Variants in RADIL observed in about 807,000 individuals in gnomAD.
RADIL encodes the protein ras-associating and dilute domain-containing protein.
In RADIL, 99 loss-of-function variants were observed where a neutral mutation model predicts 97.6. The ratio of observed to expected loss-of-function variants is 1.01; its 90% CI spans 0.86 to 1.20. The LOEUF (loss-of-function observed/expected upper bound fraction) is 1.20, where lower values mean the gene tolerates loss of function less well. RADIL is among the 50% of genes most tolerant of loss of function. The pLI, the probability that RADIL is intolerant of heterozygous loss-of-function variation, is 0.00. For missense variants in RADIL, 1,765 were observed against 1,498.9 expected (o/e 1.18, Z -2.93); for synonymous variants, 803 against 691.8 (o/e 1.16, Z -2.52).
chr7:4,856,150 C>A (rs1230439709), intron 2 of RADIL, among the ~76,000 whole-genome samples: 1 of 150,082 alleles, frequency 6.7e-6, no homozygotes, highest in Non-Finnish European at 1.5e-5. Context: ...CAGGCTGGAG[C>A]GCAGTGGCTT....
Position 4,814,254 on chromosome 7 carries a change from A to T in RADIL, c.2139+1024T>A, listed in dbSNP as rs1373908008. On this transcript the variant is annotated intron_variant, in intron 9 of 14. Coordinates refer to ENST00000399583, the MANE Select transcript of RADIL (RefSeq NM_018059.5). The surrounding 1 kb of genome is among the most constrained non-coding windows in gnomAD (Gnocchi z 4.5). Reference sequence around the variant, plus strand: ...AGAAGCAAACTAAATTCATGTGTTCAATCTGCCACACGTAGGATCCAGACA... The same window carrying T: ...AGAAGCAAACTAAATTCATGTGTTCTATCTGCCACACGTAGGATCCAGACA... 6.6e-6 allele frequency among the ~76,000 whole-genome samples: 1 copy of T among 152,214 alleles called. No homozygotes were observed. The highest frequency in any genetic ancestry group is 2.4e-5 in the African/African-American group (1 of 41,450).
In RADIL at chr7:4,799,765, G is replaced by A. The variant is rs1052836249; in HGVS notation, c.2987C>T (p.Thr996Met). The change falls in exon 14 of 15, where the codon ACG becomes ATG. Residue 996 changes from threonine (T) to methionine (M), a missense_variant. Coordinates refer to ENST00000399583, the MANE Select transcript of RADIL (RefSeq NM_018059.5). The stretch of plus-strand genomic sequence containing the variant: ...GTAGAGCCCGGGGGCGCCCAGGTGC[G>A]TGTGCTGGGGACAAGCAGAGGCCTC... ...LGMGLIDGMHTHLGAPGLYIQ... is the reference protein window; with the variant it reads ...LGMGLIDGMHMHLGAPGLYIQ... The A allele has an allele frequency of 1.7e-5, 26 of 1,529,440 alleles. No homozygotes were observed. Among genetic ancestry groups the A allele is most frequent in the South Asian group, 4.8e-5 (4 of 82,924 alleles). 94.7% of individuals were successfully genotyped at this position (1,529,440 alleles called of 1,614,324 possible). A position where few individuals can be genotyped will look rare whatever the true frequency, so the allele number is the denominator to read the frequency against.
At chr7:4,838,275 C>T (rs1314995166) in intron 2 of RADIL, among the ~76,000 whole-genome samples, 1 of 152,156 alleles carries the variant, frequency 6.6e-6, no homozygotes, top group Non-Finnish European at 1.5e-5. Flanking sequence ...CATTGCACAA[C>T]TATGGGGCCA....
rs962498386 is a variant in RADIL at position 4,817,501 on chromosome 7, G to A, written c.1616-150C>T. Reference sequence around the variant, plus strand: ...TGCGATAAACTGGCCGAGGGACTCTGGGCCCTGGCTGGGACGAGCGCAGCA... The same window carrying A: ...TGCGATAAACTGGCCGAGGGACTCTAGGCCCTGGCTGGGACGAGCGCAGCA... On this transcript the variant is annotated intron_variant, in intron 6 of 14. Coordinates refer to ENST00000399583, the MANE Select transcript of RADIL (RefSeq NM_018059.5). The surrounding 1 kb of genome is among the most constrained non-coding windows in gnomAD (Gnocchi z 8.3). 5 of 651,736 alleles carry A rather than the reference G, an allele frequency of 7.7e-6. No homozygotes were observed. The highest frequency in any genetic ancestry group is 2.0e-5 in the South Asian group (1 of 50,926). The allele number at this position is 651,736 out of a possible 1,614,324, so 40.4% of individuals were successfully genotyped here.
chr7:4,857,602 A>T (rs1391029100), intron 2 of RADIL: 1 of 152,580 alleles, frequency 6.6e-6, no homozygotes, highest in Non-Finnish European at 1.5e-5. Context: ...TTCCCTAAAC[A>T]TTACTACGTT....
At chr7:4,852,351 G>A (rs531572081) in intron 2 of RADIL, among the ~76,000 whole-genome samples, 133 of 152,282 alleles carry the variant, frequency 8.7e-4, no homozygotes, top group African/African-American at 2.6e-3. Flanking sequence ...GCCTTGGAAC[G>A]GAACAAAAGA....
intron 1 of RADIL, among the ~76,000 whole-genome samples, chr7:4,881,240 C>T (rs1784478937): frequency 6.8e-6 from 1 of 146,248 alleles, no homozygotes; most frequent in South Asian, 2.2e-4. Flanking sequence ...ACTATGAAAC[C>T]CTTTTTCTAC....
rs753555428 is a variant in RADIL at position 4,835,112 on chromosome 7, G to T, written c.911C>A (p.Pro304Gln). 4.4e-6 allele frequency: 7 copies of T among 1,608,652 alleles called. No homozygotes were observed. In the African/African-American group the frequency reaches 9.3e-5, roughly 21 times the overall value. ...CGCGGCCTGGCCGCTGTCCGGGAGC[G>T]GTTGCCGGCGGATGGTGCAGTGTAG... ...LPLHCTIRRQ[P>Q]LPDSGQAAGR... Residue 304 changes from proline (P) to glutamine (Q), a missense_variant, in exon 4 of 15, where the codon CCG (proline) becomes CAG (glutamine). By Grantham distance (76) the Pro-to-Gln change is moderately conservative. Transcript: ENST00000399583. This position sits in a 1 kb window ranked among gnomAD's most constrained non-coding sequence, Gnocchi z 5.8.
chr7:4,845,784 C>A (rs78016015), intron 2 of RADIL, among the ~76,000 whole-genome samples: 2 of 152,182 alleles, frequency 1.3e-5, no homozygotes, highest in African/African-American at 4.8e-5. Context: ...CAACTGAAAA[C>A]CTAATTAAGA....
chr7:4,817,435 C>A lies in RADIL; in HGVS notation c.1616-84G>T. 1 of 1,246,842 alleles carries A rather than the reference C, an allele frequency of 8.0e-7. No individual in the cohort carries two copies. 77.2% of individuals were successfully genotyped at this position (1,246,842 alleles called of 1,614,324 possible). On this transcript the variant is annotated intron_variant, in intron 6 of 14. Coordinates refer to ENST00000399583, the MANE Select transcript of RADIL (RefSeq NM_018059.5). This position sits in a 1 kb window ranked among gnomAD's most constrained non-coding sequence, Gnocchi z 8.3. ...ACTCAGCCAGCCGCCAGCTCTTTCC[C>A]TGGCGCGGGCACCACCCAACGCGCC... is the stretch of plus-strand genomic sequence containing the variant.
chr7:4,827,618 G>A (rs908035059), intron 5 of RADIL, among the ~76,000 whole-genome samples: 14 of 152,284 alleles, frequency 9.2e-5, no homozygotes, highest in South Asian at 8.3e-4. Context: ...CCGAGATCGT[G>A]CCACTGTACT....
At chr7:4,801,203 C>T (rs145190439) in intron 12 of RADIL, among the ~76,000 whole-genome samples, 43 of 152,276 alleles carry the variant, frequency 2.8e-4, no homozygotes, top group Admixed American at 1.1e-3. Context: ...CATGCACACA[C>T]GCACCAGCAC....
In RADIL at chr7:4,799,425, C is replaced by G. The variant is rs746219713; in HGVS notation, c.3181G>C (p.Asp1061His). The G allele has an allele frequency of 1.2e-6, 2 of 1,613,808 alleles. No homozygotes were observed. Among genetic ancestry groups the G allele is most frequent in the Non-Finnish European group, 1.7e-6 (2 of 1,179,978 alleles). The change falls in exon 15 of 15, where the codon GAC becomes CAC. Residue 1061 changes from aspartate (D) to histidine (H), a missense_variant. Asp to His is a moderately conservative substitution (Grantham distance 81). Transcript: ENST00000399583. ...KKMRFLVAKS[D>H]VETAKKIHFR... ...TGGATCTTCTTGGCTGTTTCCACGT[C>G]GGACTTCGCGACCAGGAACCGCATC...
chr7:4,817,200 G>C lies in RADIL; in HGVS notation c.1728+39C>G, dbSNP rs369489309. 5.1e-6 allele frequency: 8 copies of C among 1,562,290 alleles called. No homozygotes were observed. The highest frequency in any genetic ancestry group is 7.0e-6 in the Non-Finnish European group (8 of 1,141,122). On this transcript the variant is annotated intron_variant, in intron 7 of 14. Coordinates refer to ENST00000399583, the MANE Select transcript of RADIL (RefSeq NM_018059.5). This position sits in a 1 kb window ranked among gnomAD's most constrained non-coding sequence, Gnocchi z 8.3. Reference sequence around the variant, plus strand: ...CAAGCTTGAGCCCCACTTGATCCCAGGAGCTGCCTGAGTGCAGAAGCAGAG... The same window carrying C: ...CAAGCTTGAGCCCCACTTGATCCCACGAGCTGCCTGAGTGCAGAAGCAGAG...
rs1385081309 is a variant in RADIL at position 4,842,219 on chromosome 7, G to A, written c.536-5614C>T. Among the ~76,000 whole-genome samples, 1 of 152,154 alleles carries A rather than the reference G, an allele frequency of 6.6e-6. No individual in the cohort carries two copies. On this transcript the variant is annotated intron_variant, in intron 2 of 14. Transcript: ENST00000399583. The surrounding 1 kb of genome is among the most constrained non-coding windows in gnomAD (Gnocchi z 4.5). The stretch of plus-strand genomic sequence containing the variant: ...GGGCGCCGGGGCAATGGGGAAGATG[G>A]GGATGGGACGGTCGTTGTTGACATC...
intron 5 of RADIL, among the ~76,000 whole-genome samples, chr7:4,823,352 T>G (rs865955400): frequency 7.0e-6 from 1 of 141,974 alleles, no homozygotes; most frequent in African/African-American, 2.8e-5. Flanking sequence ...TTTTTTTTTT[T>G]AGAGACAGGG....
In RADIL at chr7:4,815,494, G is replaced by T. The variant is rs748969744; in HGVS notation, c.1967-44C>A. Reference sequence around the variant, plus strand: ...AGGGTGATGCCTGGGCTGCCCTCCTGGGGGGACACAGACATGGGCCTGTCC... The same window carrying T: ...AGGGTGATGCCTGGGCTGCCCTCCTTGGGGGACACAGACATGGGCCTGTCC... On this transcript the variant is annotated intron_variant, in intron 8 of 14. Coordinates refer to ENST00000399583, the MANE Select transcript of RADIL (RefSeq NM_018059.5). This position sits in a 1 kb window ranked among gnomAD's most constrained non-coding sequence, Gnocchi z 8.0. The T allele has an allele frequency of 1.9e-5, 28 of 1,451,096 alleles. No individual in the cohort carries two copies. The Middle Eastern group carries it at 1.0e-3, about 53-fold the overall frequency. 89.9% of individuals were successfully genotyped at this position (1,451,096 alleles called of 1,614,324 possible). A position where few individuals can be genotyped will look rare whatever the true frequency, so the allele number is the denominator to read the frequency against.
chr7:4,811,361 C>G (rs984621018), intron 9 of RADIL: 1 of 151,878 alleles, frequency 6.6e-6, no homozygotes, highest in Non-Finnish European at 1.5e-5. Context: ...GCGTAATTCT[C>G]TTTTCTTACA....
chr7:4,868,789 A>C (rs945408524), intron 2 of RADIL, among the ~76,000 whole-genome samples: 1 of 152,310 alleles, frequency 6.6e-6, no homozygotes, highest in South Asian at 2.1e-4. Context: ...AGTCAAATCT[A>C]TCTACTTTTT....
Sources: allele counts gnomAD v4.1 joint callset (sites outside exome capture counted in the v4.1 genomes callset), GRCh38; gene constraint gnomAD v4.1.1; non-coding constraint Gnocchi (gnomAD v3.1); transcripts MANE v1.5; gene names NCBI Gene and HGNC (gene_info 2026-07-23, HGNC 2026-07-21).